UGT1A3: variants seen among roughly 807,000 people sequenced by gnomAD.
UGT1A3 encodes UDP glucuronosyltransferase family 1 member A3.
A neutral mutation model predicts 41.0 loss-of-function variants in UGT1A3; 31 were observed. The ratio of observed to expected loss-of-function variants is 0.76; its 90% CI spans 0.57 to 1.02. The LOEUF (loss-of-function observed/expected upper bound fraction) is 1.02. Among genes scored for constraint, UGT1A3 ranks in the 50% least tolerant of loss-of-function variants. The pLI, the probability that UGT1A3 is intolerant of heterozygous loss-of-function variation, is 0.00. For synonymous variants in UGT1A3, 262 were observed against 257.6 expected, an observed-to-expected ratio of 1.02 and a Z score of -0.17; for missense variants, 737 against 671.0, an observed-to-expected ratio of 1.10 and a Z score of -1.09.
chr2:233,754,498 C>T, intron 1 of UGT1A3: 1 of 356,952 alleles, frequency 2.8e-6, no homozygotes, highest in South Asian at 2.1e-5. Context: ...TAAAAAAAGT[C>T]CGCTATTCCT....
chr2:233,757,560 ATG>A lies in UGT1A3; in HGVS notation c.868-9472_868-9471del, dbSNP rs199649558. The stretch of plus-strand genomic sequence containing the variant: ...AATATATATATATATATATATATAT[ATG>A]TATATATGATATAGCTATAGTCTAA... On this transcript the variant is annotated intron_variant, in intron 1 of 4. Transcript: ENST00000482026. 4.4e-3 allele frequency among the ~76,000 whole-genome samples: 540 copies of A among 123,120 alleles called. 38 individuals are homozygous for A. Among genetic ancestry groups the A allele is most frequent in the African/African-American group, 0.017 (503 of 29,340 alleles). 80.8% of individuals were successfully genotyped at this position (123,120 alleles called of 152,430 possible). A position where few individuals can be genotyped will look rare whatever the true frequency, so the allele number is the denominator to read the frequency against.
intron 1 of UGT1A3, among the ~76,000 whole-genome samples, chr2:233,765,663 C>T (rs1698902511): frequency 6.6e-6 from 1 of 151,426 alleles, no homozygotes; most frequent in South Asian, 2.1e-4. Flanking sequence ...CAGCAAACCA[C>T]CATGGCATAT....
At chr2:233,744,776 C>T (rs1406230141) in intron 1 of UGT1A3, among the ~76,000 whole-genome samples, 1 of 151,874 alleles carries the variant, frequency 6.6e-6, no homozygotes, top group African/African-American at 2.4e-5. Context: ...TTGCAAAATT[C>T]TCCTGAAAAA....
At chr2:233,762,785 A>G (rs1698164172) in intron 1 of UGT1A3, among the ~76,000 whole-genome samples, 1 of 150,724 alleles carries the variant, frequency 6.6e-6, no homozygotes, top group Non-Finnish European at 1.5e-5. Context: ...CTGATTATCT[A>G]CTCATTACTC....
intron 1 of UGT1A3, among the ~76,000 whole-genome samples, chr2:233,746,063 AAG>A (rs1693290242): frequency 6.6e-6 from 1 of 151,770 alleles, no homozygotes. Flanking sequence ...CTAGAACGAA[AAG>A]AGAAGAGGAG....
At position 233,773,283 on chromosome 2, in the gene UGT1A3, A is replaced by G. The variant is rs1700573632; in HGVS notation, c.*724A>G. 6.6e-6 allele frequency: 1 copy of G among 152,180 alleles called. No homozygotes were observed. The highest frequency in any genetic ancestry group is 1.5e-5 in the Non-Finnish European group (1 of 68,034). 9.4% of individuals were successfully genotyped at this position (152,180 alleles called of 1,614,324 possible). Reference sequence around the variant, plus strand: ...TTCCTACAACTAAAAATAAATTAATAAATTTATATAAATTCTATTTAAGTG... The same window carrying G: ...TTCCTACAACTAAAAATAAATTAATGAATTTATATAAATTCTATTTAAGTG... On this transcript the variant is annotated 3_prime_UTR_variant, in exon 5 of 5. Coordinates refer to ENST00000482026, the MANE Select transcript of UGT1A3 (RefSeq NM_019093.4).
At chr2:233,754,611 T>C (rs562553027) in intron 1 of UGT1A3, 1 of 437,308 alleles carries the variant, frequency 2.3e-6, no homozygotes, top group Non-Finnish European at 4.6e-6. Context: ...CAACTCTCCA[T>C]CTTCCTCCAC....
At chr2:233,742,318 C>T (rs4663966) in intron 1 of UGT1A3, among the ~76,000 whole-genome samples, 10,868 of 151,974 alleles carry the variant, frequency 0.072, 603 homozygotes, top group East Asian at 0.2. Flanking sequence ...GTATTCCTTA[C>T]GGGAAACAAA....
At chr2:233,746,981 C>T (rs1456419119) in intron 1 of UGT1A3, among the ~76,000 whole-genome samples, 1 of 151,772 alleles carries the variant, frequency 6.6e-6, no homozygotes, top group Non-Finnish European at 1.5e-5. Flanking sequence ...AGAGCGAGCG[C>T]AGGGTCAGAT....
chr2:233,769,404 C>A lies in UGT1A3; in HGVS notation c.1307+965C>A. The A allele has an allele frequency of 8.2e-7, 1 of 1,225,146 alleles. No homozygotes were observed. The highest frequency in any genetic ancestry group is 1.2e-6 in the Non-Finnish European group (1 of 856,112). The allele number at this position is 1,225,146 out of a possible 1,614,324, so 75.9% of individuals were successfully genotyped here. ...ACAATAGATACTGTGTGCATATGTGCGTGTGCGTTTGTGCATGTGGCTGTG... is the reference window on the plus strand; with the variant it reads ...ACAATAGATACTGTGTGCATATGTGAGTGTGCGTTTGTGCATGTGGCTGTG... On this transcript the variant is annotated intron_variant, in intron 4 of 4. Transcript: ENST00000482026. The surrounding 1 kb of genome is among the most constrained non-coding windows in gnomAD (Gnocchi z 4.4).
rs780989099 is a variant in UGT1A3 at position 233,729,725 on chromosome 2, C to A, written c.599C>A (p.Thr200Asn). The A allele has an allele frequency of 6.2e-7, 1 of 1,613,968 alleles. No individual in the cohort carries two copies. The highest frequency in any genetic ancestry group is 2.2e-5 in the East Asian group (1 of 44,886). ...TCCTATATTCCTAGATTACTAACAA[C>A]CAATTCAGACCACATGACATTCATG... ...PSSYIPRLLT[T>N]NSDHMTFMQR... Residue 200 changes from threonine to asparagine, a missense_variant, in exon 1 of 5, where the codon ACC (threonine) becomes AAC (asparagine). By Grantham distance (65) the Thr-to-Asn change is moderately conservative (BLOSUM62 0). Transcript: ENST00000482026.
At position 233,757,558 on chromosome 2, in the gene UGT1A3, A is replaced by G. The variant is rs1013342289; in HGVS notation, c.868-9476A>G. ...GGAATATATATATATATATATATAT[A>G]TATGTATATATGATATAGCTATAGT... On this transcript the variant is annotated intron_variant, in intron 1 of 4. Transcript: ENST00000482026. Among the ~76,000 whole-genome samples the G allele has an allele frequency of 6.8e-4, 85 of 124,456 alleles. 2 individuals carry two copies. Among genetic ancestry groups the G allele is most frequent in the Admixed American group, 2.1e-3 (27 of 12,944 alleles). 81.6% of individuals were successfully genotyped at this position (124,456 alleles called of 152,430 possible).
chr2:233,768,861 G>A (rs1031930019), intron 4 of UGT1A3, among the ~76,000 whole-genome samples: 1 of 152,004 alleles, frequency 6.6e-6, no homozygotes, highest in African/African-American at 2.4e-5. Flanking sequence ...TGAGATTACA[G>A]GCATGAGCCA....
rs1691455910 is a variant in UGT1A3, at chr2:233,740,707, G to A, written c.867+10714G>A. Reference sequence around the variant, plus strand: ...GGTGTTCATTTTAGGGATTTCAAGAGGGTCATCTTTGCACCACAGGAAATG... The same window carrying A: ...GGTGTTCATTTTAGGGATTTCAAGAAGGTCATCTTTGCACCACAGGAAATG... On this transcript the variant is annotated intron_variant, in intron 1 of 4. Coordinates refer to ENST00000482026, the MANE Select transcript of UGT1A3 (RefSeq NM_019093.4). 1.3e-5 allele frequency: 2 copies of A among 151,744 alleles called. 1 individual carries two copies. Among genetic ancestry groups the A allele is most frequent in the African/African-American group, 4.9e-5 (2 of 41,032 alleles). 9.4% of individuals were successfully genotyped at this position (151,744 alleles called of 1,614,324 possible).
In UGT1A3 at chr2:233,736,220, T is replaced by C. The variant is rs542508391; in HGVS notation, c.867+6227T>C. On this transcript the variant is annotated intron_variant, in intron 1 of 4. Coordinates refer to ENST00000482026, the MANE Select transcript of UGT1A3 (RefSeq NM_019093.4). ...GGCTTTCCTTGTTTCTTTTTACTCT[T>C]TTTTCTCTAACCTTGTCTTCTCACT... is the stretch of plus-strand genomic sequence containing the variant. Among the ~76,000 whole-genome samples the C allele has an allele frequency of 2.6e-5, 4 of 152,348 alleles. No homozygotes were observed. The East Asian group carries it at 7.7e-4, about 29-fold the overall frequency.
chr2:233,755,959 G>C (rs2125939484), intron 1 of UGT1A3: 1 of 152,196 alleles, frequency 6.6e-6, no homozygotes, highest in East Asian at 1.9e-4. Flanking sequence ...TTTAGTACTT[G>C]GCTCTATAGA....
At chr2:233,766,476 A>G (rs893882112) in intron 1 of UGT1A3, among the ~76,000 whole-genome samples, 2 of 152,172 alleles carry the variant, frequency 1.3e-5, no homozygotes, top group African/African-American at 2.4e-5. Flanking sequence ...TTATAGGCAC[A>G]TGATGGGGGC....
At chr2:233,767,718 A>G in intron 2 of UGT1A3, 131 bp from the exon 3 acceptor site, 1 of 1,541,762 alleles carries the variant, frequency 6.5e-7, no homozygotes, top group Non-Finnish European at 8.7e-7. Context: ...AAGCCTTCAC[A>G]GTTACTGATC....
chr2:233,733,687 G>A (rs906292331), intron 1 of UGT1A3, among the ~76,000 whole-genome samples: 3 of 152,194 alleles, frequency 2.0e-5, no homozygotes, highest in African/African-American at 7.2e-5. Context: ...ACTTTTTGAT[G>A]TGCTGCTGGA....
Sources: allele counts gnomAD v4.1 joint callset (sites outside exome capture counted in the v4.1 genomes callset), GRCh38; gene constraint gnomAD v4.1.1; non-coding constraint Gnocchi (gnomAD v3.1); transcripts MANE v1.5; gene names NCBI Gene and HGNC (gene_info 2026-07-23, HGNC 2026-07-21).